Variants in DPP10 observed in about 807,000 individuals in gnomAD.
The protein encoded by DPP10 is dipeptidyl peptidase like 10, also known as inactive dipeptidyl peptidase 10.
DPP10 carries 33 observed loss-of-function variants against 120.9 expected under a neutral mutation model. The observed-to-expected ratio is 0.27, with a 90% CI of 0.21 to 0.37. The LOEUF is 0.37. Among genes scored for constraint, DPP10 ranks in the 10% least tolerant of loss-of-function variants. The pLI is 1.00. For synonymous variants in DPP10, 337 were observed against 326.1 expected (o/e 1.03, Z -0.36); for missense variants, 816 against 942.8 (o/e 0.87, Z 1.76).
intron 1 of DPP10, among the ~76,000 whole-genome samples, chr2:114,913,168 C>G (rs1694506746): frequency 6.6e-6 from 1 of 152,220 alleles, no homozygotes; most frequent in African/African-American, 2.4e-5. Flanking sequence ...CAGACCTCTC[C>G]TAACAGTTGG....
At chr2:114,497,131 A>C (rs1682614314) in intron 1 of DPP10, among the ~76,000 whole-genome samples, 1 of 148,492 alleles carries the variant, frequency 6.7e-6, no homozygotes, top group Admixed American at 6.7e-5. Flanking sequence ...ACGTGTATAC[A>C]TGTAGGTATA....
intron 3 of DPP10, among the ~76,000 whole-genome samples, chr2:115,373,991 GC>G: frequency 1.3e-5 from 2 of 152,058 alleles, no homozygotes; most frequent in Non-Finnish European, 2.9e-5. Flanking sequence ...GCGGATATCT[GC>G]CCCCATGTTC....
chr2:115,015,085 C>T (rs373020512), intron 1 of DPP10, among the ~76,000 whole-genome samples: 2 of 152,150 alleles, frequency 1.3e-5, no homozygotes, highest in Middle Eastern at 3.4e-3. Flanking sequence ...TGATGAACAT[C>T]GATGCGAAAA....
In DPP10 at chr2:114,501,933, C is replaced by CT. The variant is rs34369425; in HGVS notation, c.60+59115dup. Among the ~76,000 whole-genome samples the CT allele has an allele frequency of 9.4e-3, 883 of 94,014 alleles. 16 individuals carry two copies. The highest frequency in any genetic ancestry group is 0.011 in the Non-Finnish European group (510 of 45,360). 61.7% of individuals were successfully genotyped at this position (94,014 alleles called of 152,430 possible). On this transcript the variant is annotated intron_variant, in intron 1 of 25. Transcript: ENST00000410059. ...TGAGAAAAAACGAAGATTGATATTC[C>CT]TTTTTTTTTTTTTTTTTTTTGAGAC...
chr2:115,320,405 G>A (rs927109263), intron 2 of DPP10, among the ~76,000 whole-genome samples: 4 of 151,410 alleles, frequency 2.6e-5, no homozygotes, highest in Admixed American at 6.6e-5. Flanking sequence ...GTCCTTTTAC[G>A]TGTTTTTTTT....
chr2:115,583,149 C>G (rs979218832), intron 5 of DPP10, among the ~76,000 whole-genome samples: 5 of 152,168 alleles, frequency 3.3e-5, no homozygotes, highest in African/African-American at 1.2e-4. Context: ...TTCAAAGTTG[C>G]CTTTCTGTTA....
chr2:115,524,425 T>C (rs996525490), intron 4 of DPP10, among the ~76,000 whole-genome samples: 1 of 152,156 alleles, frequency 6.6e-6, no homozygotes, highest in African/African-American at 2.4e-5. Flanking sequence ...GGGTGATGTC[T>C]GAAGGGGTCC....
intron 5 of DPP10, among the ~76,000 whole-genome samples, chr2:115,676,715 A>G (rs1367251949): frequency 6.6e-6 from 1 of 152,184 alleles, no homozygotes; most frequent in East Asian, 1.9e-4. Context: ...AAGAAAACAA[A>G]TATTGGAATC....
At chr2:114,894,414 A>C (rs567923484) in intron 1 of DPP10, among the ~76,000 whole-genome samples, 1 of 152,324 alleles carries the variant, frequency 6.6e-6, no homozygotes, top group Non-Finnish European at 1.5e-5. Context: ...GCCTTAGAAA[A>C]AACAAAGGAT....
At chr2:115,128,111 A>C (rs930844046) in intron 1 of DPP10, among the ~76,000 whole-genome samples, 3 of 152,138 alleles carry the variant, frequency 2.0e-5, no homozygotes, top group Non-Finnish European at 2.9e-5. Context: ...ATCTTCATAG[A>C]ACCTAATCCA....
At chr2:114,932,077 T>A (rs568056267) in intron 1 of DPP10, among the ~76,000 whole-genome samples, 1 of 152,352 alleles carries the variant, frequency 6.6e-6, no homozygotes, top group Admixed American at 6.5e-5. Context: ...AACAATTTGT[T>A]GTTCATTAAG....
At chr2:115,018,901 G>A (rs1164596591) in intron 1 of DPP10, among the ~76,000 whole-genome samples, 2 of 152,070 alleles carry the variant, frequency 1.3e-5, no homozygotes, top group African/African-American at 2.4e-5. Context: ...AGTAGTGGGA[G>A]TGGAGAGTGG....
intron 1 of DPP10, among the ~76,000 whole-genome samples, chr2:114,808,847 C>G (rs1684955002): frequency 6.6e-6 from 1 of 152,120 alleles, no homozygotes; most frequent in Non-Finnish European, 1.5e-5. Context: ...ATATAAAATG[C>G]ATTCCACTCC....
chr2:115,681,093 T>C (rs1397354191), intron 5 of DPP10, among the ~76,000 whole-genome samples: 1 of 151,866 alleles, frequency 6.6e-6, no homozygotes, highest in Non-Finnish European at 1.5e-5. Context: ...AAGAGAGAGA[T>C]GCTTGTGTAG....
At chr2:115,004,352 C>A (rs1701655710) in intron 1 of DPP10, among the ~76,000 whole-genome samples, 1 of 151,098 alleles carries the variant, frequency 6.6e-6, no homozygotes, top group Non-Finnish European at 1.5e-5. Context: ...AGACAAATAT[C>A]TAGGGGGAGG....
At chr2:115,438,347 C>T (rs2071694313) in intron 3 of DPP10, among the ~76,000 whole-genome samples, 2 of 152,170 alleles carry the variant, frequency 1.3e-5, no homozygotes, top group South Asian at 4.1e-4. Context: ...AGAATAACTA[C>T]ATGATAAAGA....
At chr2:114,602,071 A>T (rs1344390030) in intron 1 of DPP10, among the ~76,000 whole-genome samples, 1 of 151,970 alleles carries the variant, frequency 6.6e-6, no homozygotes, top group Non-Finnish European at 1.5e-5. Context: ...TGAATTTATT[A>T]ATAAGGGGCT....
chr2:115,799,787 G>A (rs1255531965), intron 19 of DPP10, among the ~76,000 whole-genome samples: 1 of 151,828 alleles, frequency 6.6e-6, no homozygotes, highest in African/African-American at 2.4e-5. Context: ...TGGCTGCATA[G>A]TATTCCATGG....
intron 1 of DPP10, among the ~76,000 whole-genome samples, chr2:115,004,448 C>T (rs919267263): frequency 1.3e-5 from 2 of 152,224 alleles, no homozygotes; most frequent in Non-Finnish European, 1.5e-5. Context: ...GCATTTCCAT[C>T]TGAGGTACCG....
Sources: gnomAD v4.1 joint callset for allele counts (sites outside exome capture counted in the v4.1 genomes callset) on GRCh38, gnomAD v4.1.1 for gene constraint, MANE v1.5 for transcripts, NCBI Gene and HGNC (gene_info 2026-07-23, HGNC 2026-07-21) for gene names.